Variants in KIF3B observed in about 807,000 individuals in gnomAD.
KIF3B encodes kinesin-like protein KIF3B.
In KIF3B, 38 loss-of-function variants were observed where a neutral mutation model predicts 74.3. That is an observed-to-expected ratio of 0.51 (90% CI 0.39 to 0.67). KIF3B has a LOEUF of 0.67. Among genes scored for constraint, KIF3B ranks in the 30% least tolerant of loss-of-function variants. The pLI is 0.00. For synonymous variants in KIF3B, 326 were observed against 342.5 expected, an observed-to-expected ratio of 0.95 and a Z score of 0.53; for missense variants, 649 against 932.0, an observed-to-expected ratio of 0.70 and a Z score of 3.95.
intron 5 of KIF3B, among the ~76,000 whole-genome samples, chr20:32,325,627 A>C (rs1327316483): frequency 1.2e-5 from 1 of 80,338 alleles, no homozygotes; most frequent in Non-Finnish European, 2.8e-5. Flanking sequence ...TAAGGAGTCT[A>C]TTTTCATTAT....
rs1164604181 is a variant in KIF3B, at chr20:32,325,655, CTTTTTTTTTTT to C, written c.1749-1096_1749-1086del. Among the ~76,000 whole-genome samples, 99 of 51,110 alleles carry C rather than the reference CTTTTTTTTTTT, an allele frequency of 1.9e-3. No individual in the cohort carries two copies. The South Asian group carries it at 0.038, about 20-fold the overall frequency. The allele number at this position is 51,110 out of a possible 152,430, so 33.5% of individuals were successfully genotyped here. A position where few individuals can be genotyped will look rare whatever the true frequency, so the allele number is the denominator to read the frequency against. On this transcript the variant is annotated intron_variant, in intron 5 of 8. Transcript: ENST00000375712. ...TTCATTATTATCTCTCTCTCTCTCT[CTTTTTTTTTTT>C]TTTTTTTTTTTTTTTTTTTGAGACA...
intron 1 of KIF3B, among the ~76,000 whole-genome samples, chr20:32,283,681 A>G (rs1284561506): frequency 6.6e-6 from 1 of 150,642 alleles, no homozygotes; most frequent in Non-Finnish European, 1.5e-5. Flanking sequence ...GTGGTGGTGC[A>G]TGCTTGTAGT....
chr20:32,316,897 T>C, intron 5 of KIF3B, 23 bp downstream of exon 5: 9 of 1,511,758 alleles, frequency 6.0e-6, no homozygotes, highest in Non-Finnish European at 7.4e-6. Context: ...CCTTCCATAG[T>C]GCCCCCAAGC....
chr20:32,314,505 A>C (rs966776949), intron 2 of KIF3B, among the ~76,000 whole-genome samples: 2 of 151,534 alleles, frequency 1.3e-5, no homozygotes, highest in Admixed American at 6.6e-5. Context: ...ATGCCACTGC[A>C]CTCCAGCCTG....
intron 1 of KIF3B, among the ~76,000 whole-genome samples, chr20:32,297,901 A>C (rs2047723857): frequency 6.6e-6 from 1 of 151,948 alleles, no homozygotes; most frequent in African/African-American, 2.4e-5. Flanking sequence ...TGAGGTCAAG[A>C]GTTTGAGACC....
intron 5 of KIF3B, among the ~76,000 whole-genome samples, chr20:32,321,867 C>T (rs1332614092): frequency 6.6e-6 from 1 of 152,088 alleles, no homozygotes; most frequent in Admixed American, 6.6e-5. Flanking sequence ...TGGTATTATA[C>T]ATTTAATAGA....
At chr20:32,324,362 C>A (rs970362931) in intron 5 of KIF3B, among the ~76,000 whole-genome samples, 1 of 152,100 alleles carries the variant, frequency 6.6e-6, no homozygotes, top group Non-Finnish European at 1.5e-5. Flanking sequence ...ATCAGAATTA[C>A]CTGAAGGGAT....
intron 5 of KIF3B, among the ~76,000 whole-genome samples, chr20:32,325,653 C>CTTTTTTTTTTTTTTTTTTT (rs200570783): frequency 3.3e-5 from 3 of 90,304 alleles, no homozygotes; most frequent in Non-Finnish European, 4.3e-5. Flanking sequence ...CTCTCTCTCT[C>CTTTTTTTTTTTTTTTTTTT]TCTTTTTTTT....
At chr20:32,298,731 C>G (rs918700519) in intron 1 of KIF3B, among the ~76,000 whole-genome samples, 1 of 150,792 alleles carries the variant, frequency 6.6e-6, no homozygotes, top group Non-Finnish European at 1.5e-5. Context: ...TGCAGTGGTA[C>G]AATCGTGACT....
chr20:32,301,687 T>G (rs2047745060), intron 1 of KIF3B, among the ~76,000 whole-genome samples: 1 of 152,170 alleles, frequency 6.6e-6, no homozygotes, highest in African/African-American at 2.4e-5. Flanking sequence ...CATGTTGTTT[T>G]AAATACCAGG....
At chr20:32,319,960 T>C (rs1369704031) in intron 5 of KIF3B, among the ~76,000 whole-genome samples, 1 of 146,400 alleles carries the variant, frequency 6.8e-6, no homozygotes, top group African/African-American at 2.5e-5. Context: ...AATGGCATGA[T>C]CTTAGCTCAC....
At chr20:32,282,094 T>TA (rs926390262) in intron 1 of KIF3B, among the ~76,000 whole-genome samples, 3 of 152,124 alleles carry the variant, frequency 2.0e-5, no homozygotes, top group African/African-American at 2.4e-5. Flanking sequence ...TTTTGTTTTT[T>TA]AAAAAAATCA....
intron 1 of KIF3B, among the ~76,000 whole-genome samples, chr20:32,280,154 A>G (rs971301619): frequency 3.3e-5 from 5 of 152,096 alleles, no homozygotes; most frequent in African/African-American, 1.2e-4. Flanking sequence ...TGTTCTGAGG[A>G]TTTATTTGAA....
At chr20:32,289,240 G>T (rs2047680528) in intron 1 of KIF3B, among the ~76,000 whole-genome samples, 1 of 148,660 alleles carries the variant, frequency 6.7e-6, no homozygotes, top group Non-Finnish European at 1.5e-5. Flanking sequence ...AGTCACCCAG[G>T]CTGGAGTGCA....
At chr20:32,277,786 G>A in intron 1 of KIF3B, 21 bp downstream of exon 1, 1 of 225,580 alleles carries the variant, frequency 4.4e-6, no homozygotes, top group Non-Finnish European at 8.3e-6. Flanking sequence ...GGGGCCGGGC[G>A]CCCACCGAGC....
chr20:32,309,568 C>T lies in KIF3B; in HGVS notation c.-65-145C>T, dbSNP rs374903358. 4.4e-5 allele frequency: 23 copies of T among 523,934 alleles called. No individual in the cohort carries two copies. The South Asian group carries it at 8.0e-4, about 18-fold the overall frequency. The allele number at this position is 523,934 out of a possible 1,614,324, so 32.5% of individuals were successfully genotyped here. On this transcript the variant is annotated intron_variant, in intron 1 of 8. Transcript: ENST00000375712. ...TTTTACCACTGAAGCTGGTTAAGATCCTGTGAGGAAATATACAGTGTAGTA... is the reference window on the plus strand; with the variant it reads ...TTTTACCACTGAAGCTGGTTAAGATTCTGTGAGGAAATATACAGTGTAGTA...
intron 1 of KIF3B, among the ~76,000 whole-genome samples, chr20:32,291,566 T>C (rs961747266): frequency 1.3e-5 from 2 of 152,224 alleles, no homozygotes; most frequent in South Asian, 2.1e-4. Flanking sequence ...TAAAAATAAT[T>C]TCTTACATTG....
chr20:32,299,399 ATATATTTTTT>A (rs1260714647), intron 1 of KIF3B, among the ~76,000 whole-genome samples: 1 of 31,766 alleles, frequency 3.1e-5, no homozygotes, highest in Non-Finnish European at 5.2e-5. Context: ...ATATATATAT[ATATATTTTTT>A]TTTTTTTTTT....
At chr20:32,305,104 C>T (rs934619826) in intron 1 of KIF3B, among the ~76,000 whole-genome samples, 5 of 151,978 alleles carry the variant, frequency 3.3e-5, no homozygotes, top group African/African-American at 1.2e-4. Flanking sequence ...GCCGAGATCG[C>T]ACCACTGCAC....
Sources: allele counts gnomAD v4.1 joint callset (sites outside exome capture counted in the v4.1 genomes callset), GRCh38; gene constraint gnomAD v4.1.1; transcripts MANE v1.5; gene names NCBI Gene and HGNC (gene_info 2026-07-23, HGNC 2026-07-21).